Variants in S100A7A observed in about 807,000 individuals in gnomAD.
The protein encoded by S100A7A is S100 calcium binding protein A7A, also known as protein S100-A7A.
In S100A7A, 5 loss-of-function variants were observed where a neutral mutation model predicts 4.0. That is an observed-to-expected ratio of 1.26 (90% CI 0.66 to 2.66). S100A7A has a LOEUF of 2.66. Ranked by LOEUF, S100A7A falls within the 30% of genes most tolerant of loss-of-function variation. The pLI is 0.01. For synonymous variants in S100A7A, 52 were observed against 46.4 expected (o/e 1.12, Z -0.49); for missense variants, 159 against 125.1 (o/e 1.27, Z -1.29).
intron 2 of S100A7A, among the ~76,000 whole-genome samples, chr1:153,418,866 G>A (rs936460720): frequency 6.6e-5 from 10 of 152,178 alleles, no homozygotes; most frequent in African/African-American, 2.4e-4. Flanking sequence ...TGAGGCTGGG[G>A]CAGGGGACTG....
intron 2 of S100A7A, 105 bp downstream of exon 2, chr1:153,418,328 AG>A (rs1662793204): frequency 6.1e-6 from 9 of 1,486,442 alleles, no homozygotes; most frequent in South Asian, 2.6e-5. Flanking sequence ...CTGATTAAAA[AG>A]TTTCCCATTT....
At chr1:153,418,822 G>A (rs560207072) in intron 2 of S100A7A, among the ~76,000 whole-genome samples, 1 of 152,310 alleles carries the variant, frequency 6.6e-6, no homozygotes, top group East Asian at 1.9e-4. Context: ...AACTAAGGTA[G>A]GCAGTGCCCT....
In S100A7A at chr1:153,419,347, C is replaced by A. The variant is rs1463762983; in HGVS notation, c.*38C>A. ...AAGGGGCCTCCAGAGACCCCAGGAA[C>A]AATAAGTGTCTCCTCCCACCAGACA... On this transcript the variant is annotated 3_prime_UTR_variant, in exon 3 of 3. Transcript: ENST00000368729. 1.9e-6 allele frequency: 3 copies of A among 1,586,102 alleles called. No individual in the cohort carries two copies. Among genetic ancestry groups the A allele is most frequent in the South Asian group, 2.3e-5 (2 of 87,692 alleles).
chr1:153,419,142 C>T lies in S100A7A; in HGVS notation c.142-3C>T. 4 of 1,612,346 alleles carry T rather than the reference C, an allele frequency of 2.5e-6. No individual in the cohort carries two copies. Among genetic ancestry groups the T allele is most frequent in the Non-Finnish European group, 3.4e-6 (4 of 1,179,284 alleles). ...TCTATTTTGTATGTTTTTCTCTTCA[C>T]AGGACAAAAAGGGCATACATTACCT... On this transcript the variant is annotated splice_region_variant and splice_polypyrimidine_tract_variant and intron_variant, in intron 2 of 2. Transcript: ENST00000368729.
Position 153,418,103 on chromosome 1 carries a change from G to A in S100A7A, c.21G>A (p.Glu7=). ...CAAAGATGAGCAACACTCAAGCTGA[G>A]AGGTCCATAATAGGCATGATCGACA... MSNTQA[E]RSIIGMIDMF... Residue 7 remains glutamate, a synonymous_variant, in exon 2 of 3, where the codon GAG becomes GAA. Coordinates refer to ENST00000368729, the MANE Select transcript of S100A7A (RefSeq NM_176823.4). 1 of 1,614,136 alleles carries A rather than the reference G, an allele frequency of 6.2e-7. No individual in the cohort carries two copies. The highest frequency in any genetic ancestry group is 8.5e-7 in the Non-Finnish European group (1 of 1,180,018).
Position 153,421,926 on chromosome 1 carries a change from G to A in S100A7A, c.*2617G>A, listed in dbSNP as rs1209147775. 1 of 152,198 alleles carries A rather than the reference G, an allele frequency of 6.6e-6. No homozygotes were observed. Among genetic ancestry groups the A allele is most frequent in the Non-Finnish European group, 1.5e-5 (1 of 68,042 alleles). The allele number at this position is 152,198 out of a possible 1,614,324, so 9.4% of individuals were successfully genotyped here. On this transcript the variant is annotated 3_prime_UTR_variant, in exon 3 of 3. Coordinates refer to ENST00000368729, the MANE Select transcript of S100A7A (RefSeq NM_176823.4). ...GGTTTTAGAAATCACCTTCTCAAGG[G>A]AGCCTTGTCTAATGTTCCTGAGACT...
rs1662781609 is a variant in S100A7A at position 153,418,139 on chromosome 1, A to G, written c.57A>G (p.Lys19=). The G allele has an allele frequency of 6.2e-7, 1 of 1,613,994 alleles. No individual in the cohort carries two copies. The highest frequency in any genetic ancestry group is 1.7e-5 in the Admixed American group (1 of 60,000). Residue 19 remains lysine, a synonymous_variant, in exon 2 of 3, where the codon AAA becomes AAG. Coordinates refer to ENST00000368729, the MANE Select transcript of S100A7A (RefSeq NM_176823.4). ...SIIGMIDMFH[K]YTGRDGKIEK... is the part of the protein sequence containing the mutation. ...TAGGCATGATCGACATGTTTCACAA[A>G]TACACCGGACGTGATGGCAAGATTG...
In S100A7A at chr1:153,422,490, T is replaced by C. The variant is rs1406899844; in HGVS notation, c.*3181T>C. The C allele has an allele frequency of 5.1e-6, 5 of 983,186 alleles. No individual in the cohort carries two copies. The highest frequency in any genetic ancestry group is 6.0e-6 in the Non-Finnish European group (5 of 828,002). The allele number at this position is 983,186 out of a possible 1,614,324, so 60.9% of individuals were successfully genotyped here. On this transcript the variant is annotated 3_prime_UTR_variant, in exon 3 of 3. Transcript: ENST00000368729. ...TTATATTGGTACTAAAGAGAAAGAA[T>C]ACTTGACAGCTCTATGCCCACACTC...
Position 153,418,150 on chromosome 1 carries a change from G to A in S100A7A, c.68G>A (p.Arg23His), listed in dbSNP as rs55985140. ...GACATGTTTCACAAATACACCGGAC[G>A]TGATGGCAAGATTGAGAAGCCAAGC... is the stretch of plus-strand genomic sequence containing the variant. ...MIDMFHKYTG[R>H]DGKIEKPSLL... Residue 23 changes from arginine to histidine, a missense_variant, in exon 2 of 3, where the codon CGT (arginine) becomes CAT (histidine). Physicochemically the swap from Arg to His is conservative, Grantham distance 29 (BLOSUM62 0). Coordinates refer to ENST00000368729, the MANE Select transcript of S100A7A (RefSeq NM_176823.4). 52,864 of 1,614,028 alleles carry A rather than the reference G, an allele frequency of 0.033. 1,137 individuals are homozygous for A. The highest frequency in any genetic ancestry group is 0.037 in the Non-Finnish European group (43,789 of 1,179,944).
chr1:153,422,580 A>C lies in S100A7A; in HGVS notation c.*3271A>C. The C allele has an allele frequency of 1.0e-6, 1 of 977,786 alleles. No homozygotes were observed. The highest frequency in any genetic ancestry group is 1.8e-5 in the African/African-American group (1 of 57,128). 60.6% of individuals were successfully genotyped at this position (977,786 alleles called of 1,614,324 possible). ...TGTTCCCCAGAAATTCTGATATCAA[A>C]ACATTCCAATAACTTTTTTTTTTCA... On this transcript the variant is annotated 3_prime_UTR_variant, in exon 3 of 3. Coordinates refer to ENST00000368729, the MANE Select transcript of S100A7A (RefSeq NM_176823.4).
In S100A7A at chr1:153,418,232, G is replaced by A; in HGVS notation, c.141+9G>A. On this transcript the variant is annotated intron_variant, in intron 2 of 2. Transcript: ENST00000368729. The stretch of plus-strand genomic sequence containing the variant: ...ATTTCCTCAGTGCCTGTGTGAGTTG[G>A]GGTCTAGCTTCTCAATGTTGGTTGG... 1 of 1,613,878 alleles carries A rather than the reference G, an allele frequency of 6.2e-7. No homozygotes were observed.
At chr1:153,416,873 TCTC>T (rs1319741962) in intron 1 of S100A7A, among the ~76,000 whole-genome samples, 1 of 152,212 alleles carries the variant, frequency 6.6e-6, no homozygotes, top group Non-Finnish European at 1.5e-5. Flanking sequence ...CTGGATTCAT[TCTC>T]CTTTTGGGAT....
In S100A7A at chr1:153,417,855, T is replaced by C. The variant is rs550773001; in HGVS notation, c.-17-211T>C. 5.4e-4 allele frequency: 294 copies of C among 546,204 alleles called. 1 individual carries two copies. The South Asian group carries it at 5.4e-3, about 10-fold the overall frequency. The allele number at this position is 546,204 out of a possible 1,614,324, so 33.8% of individuals were successfully genotyped here. A position where few individuals can be genotyped will look rare whatever the true frequency, so the allele number is the denominator to read the frequency against. On this transcript the variant is annotated intron_variant, in intron 1 of 2. Transcript: ENST00000368729. Reference sequence around the variant, plus strand: ...GACTTCTGCCATCCACCTGCATCTCTTCTTGGCCCTGGCCAGGATGGGCCG... The same window carrying C: ...GACTTCTGCCATCCACCTGCATCTCCTCTTGGCCCTGGCCAGGATGGGCCG...
Position 153,419,302 on chromosome 1 carries a change from G to A in S100A7A, c.299G>A (p.Ser100Asn). 6.2e-7 allele frequency: 1 copy of A among 1,614,054 alleles called. No individual in the cohort carries two copies. Among genetic ancestry groups the A allele is most frequent in the Non-Finnish European group, 8.5e-7 (1 of 1,179,954 alleles). The change falls in exon 3 of 3, where the codon AGC becomes AAC. Residue 100 changes from serine (S) to asparagine (N), a missense_variant. Coordinates refer to ENST00000368729, the MANE Select transcript of S100A7A (RefSeq NM_176823.4). The stretch of plus-strand genomic sequence containing the variant: ...GGAGCGGCGCCCTGTTCTGGGGGAA[G>A]CCAGTGATCCAGCCCCACCAAGGGG... ...SHGAAPCSGG[S>N]Q
rs1662827137 is a variant in S100A7A, at chr1:153,419,210, G to T, written c.207G>T (p.Lys69Asn). Residue 69 changes from lysine to asparagine, a missense_variant, in exon 3 of 3, where the codon AAG becomes AAT. Physicochemically the swap from Lys to Asn is moderately conservative, Grantham distance 94. Coordinates refer to ENST00000368729, the MANE Select transcript of S100A7A (RefSeq NM_176823.4). ...AAAAGGACAAGAATGAGGATAAGAA[G>T]ATTGATTTTTCTGAGTTTCTGTCCT... ...FEKKDKNEDK[K>N]IDFSEFLSLL... 1.9e-6 allele frequency: 3 copies of T among 1,614,062 alleles called. No homozygotes were observed. In the Admixed American group the frequency reaches 5.0e-5, roughly 27 times the overall value.
At position 153,416,577 on chromosome 1, in the gene S100A7A, G is replaced by A; in HGVS notation, c.-18+14G>A. ...TTCCCAGTTCTGGTAAGTCTCACCT[G>A]CCTCTTTGCATTTTCTAGAAGTGCC... On this transcript the variant is annotated intron_variant, in intron 1 of 2. Transcript: ENST00000368729. 2.1e-6 allele frequency: 1 copy of A among 478,732 alleles called. No individual in the cohort carries two copies. Among genetic ancestry groups the A allele is most frequent in the Non-Finnish European group, 4.2e-6 (1 of 238,982 alleles). 29.7% of individuals were successfully genotyped at this position (478,732 alleles called of 1,614,324 possible).
In S100A7A at chr1:153,421,416, C is replaced by T. The variant is rs1662895454; in HGVS notation, c.*2107C>T. On this transcript the variant is annotated 3_prime_UTR_variant, in exon 3 of 3. Coordinates refer to ENST00000368729, the MANE Select transcript of S100A7A (RefSeq NM_176823.4). ...TCATGGAGGGAAAACATTGTTACCT[C>T]GGATCTCCTGGTTACCCAGCACATA... The T allele has an allele frequency of 6.6e-6, 1 of 152,232 alleles. No homozygotes were observed. Among genetic ancestry groups the T allele is most frequent in the Non-Finnish European group, 1.5e-5 (1 of 68,056 alleles). 9.4% of individuals were successfully genotyped at this position (152,232 alleles called of 1,614,324 possible).
rs372883279 is a variant in S100A7A, at chr1:153,419,298, G to A, written c.295G>A (p.Gly99Arg). ...CCATGGAGCGGCGCCCTGTTCTGGG[G>A]GAAGCCAGTGATCCAGCCCCACCAA... ...QSHGAAPCSG[G>R]SQ The change falls in exon 3 of 3, where the codon GGA becomes AGA. Residue 99 changes from glycine (G) to arginine (R), a missense_variant. By Grantham distance (125) the Gly-to-Arg change is moderately radical. Transcript: ENST00000368729. 392 of 1,614,048 alleles carry A rather than the reference G, an allele frequency of 2.4e-4. 2 individuals are homozygous for A. The South Asian group carries it at 4.0e-3, about 17-fold the overall frequency.
In S100A7A at chr1:153,422,603, T is replaced by A; in HGVS notation, c.*3294T>A. The A allele has an allele frequency of 2.3e-6, 2 of 869,598 alleles. No homozygotes were observed. Among genetic ancestry groups the A allele is most frequent in the Non-Finnish European group, 2.8e-6 (2 of 724,818 alleles). The allele number at this position is 869,598 out of a possible 1,614,324, so 53.9% of individuals were successfully genotyped here. On this transcript the variant is annotated 3_prime_UTR_variant, in exon 3 of 3. Coordinates refer to ENST00000368729, the MANE Select transcript of S100A7A (RefSeq NM_176823.4). ...AAAACATTCCAATAACTTTTTTTTT[T>A]CAGGCGCAGTCTCACTCTGTCGCCC...
Sources: allele counts gnomAD v4.1 joint callset (sites outside exome capture counted in the v4.1 genomes callset), GRCh38; gene constraint gnomAD v4.1.1; transcripts MANE v1.5; gene names NCBI Gene and HGNC (gene_info 2026-07-23, HGNC 2026-07-21).